CSMD1: variants seen among roughly 807,000 people sequenced by gnomAD.
The protein encoded by CSMD1 is CUB and Sushi multiple domains 1.
In CSMD1, 213 loss-of-function variants were observed where a neutral mutation model predicts 417.5. That is an observed-to-expected ratio of 0.51 (90% CI 0.46 to 0.57). The LOEUF (loss-of-function observed/expected upper bound fraction) is 0.57, where lower values mean the gene tolerates loss of function less well. Ranked by LOEUF, CSMD1 falls within the 20% of genes least tolerant of loss-of-function variation. The pLI, the probability that CSMD1 is intolerant of heterozygous loss-of-function variation, is 0.00. For missense variants in CSMD1, 6,923 were observed against 4,529.7 expected (o/e 1.53, Z -15.17); for synonymous variants, 2,862 against 1,736.8 (o/e 1.65, Z -16.11).
chr8:3,284,059 G>T (rs546060294), intron 26 of CSMD1, 85 bp downstream of exon 26: 4 of 1,110,688 alleles, frequency 3.6e-6, no homozygotes, highest in Non-Finnish European at 5.3e-6. Flanking sequence ...GTAAGGAGAC[G>T]CTGGTGAATA....
intron 1 of CSMD1, among the ~76,000 whole-genome samples, chr8:4,810,648 A>G (rs1355549317): frequency 6.6e-6 from 1 of 150,880 alleles, no homozygotes; most frequent in Non-Finnish European, 1.5e-5. Context: ...ATGATTTTGT[A>G]TTACATAGAA....
At chr8:3,526,112 G>C (rs1209488857) in intron 10 of CSMD1, among the ~76,000 whole-genome samples, 1 of 152,120 alleles carries the variant, frequency 6.6e-6, no homozygotes. Flanking sequence ...TTTAAAAACA[G>C]TCTACATTCT....
chr8:4,705,413 C>T (rs1807865332), intron 1 of CSMD1, among the ~76,000 whole-genome samples: 2 of 152,156 alleles, frequency 1.3e-5, no homozygotes, highest in African/African-American at 4.8e-5. Context: ...CATCCAAAGA[C>T]ACAAAACCCT....
rs369908809 is a variant in CSMD1, at chr8:3,151,377, T to G, written c.6031+20A>C. 8.1e-6 allele frequency: 12 copies of G among 1,481,002 alleles called. No individual in the cohort carries two copies. The highest frequency in any genetic ancestry group is 2.3e-5 in the East Asian group (1 of 44,116). 91.7% of individuals were successfully genotyped at this position (1,481,002 alleles called of 1,614,324 possible). On this transcript the variant is annotated intron_variant, in intron 40 of 69. Transcript: ENST00000635120. The stretch of plus-strand genomic sequence containing the variant: ...AATGAAAAAAATGAACTTTTAGGAA[T>G]TGGTAACATTTTCACTTACCATAGC...
At chr8:3,256,607 C>A (rs564792001) in intron 26 of CSMD1, among the ~76,000 whole-genome samples, 2 of 152,304 alleles carry the variant, frequency 1.3e-5, no homozygotes, top group Admixed American at 6.5e-5. Flanking sequence ...CTGGCTGTTT[C>A]TTACTTTTGA....
intron 37 of CSMD1, among the ~76,000 whole-genome samples, chr8:3,175,138 T>G (rs1006721391): frequency 6.6e-6 from 1 of 152,160 alleles, no homozygotes; most frequent in Non-Finnish European, 1.5e-5. Flanking sequence ...ATATTTATGT[T>G]TAGTTTATAA....
rs142636118 is a variant in CSMD1 at position 4,485,159 on chromosome 8, G to C, written c.303-65094C>G. ...GGCATAGGCTGTATGCATTTCCTTAGATGTCTACTGATTTGTATAAAGAGA... is the reference window on the plus strand; with the variant it reads ...GGCATAGGCTGTATGCATTTCCTTACATGTCTACTGATTTGTATAAAGAGA... On this transcript the variant is annotated intron_variant, in intron 2 of 69. Transcript: ENST00000635120. Among the ~76,000 whole-genome samples, 409 of 152,118 alleles carry C rather than the reference G, an allele frequency of 2.7e-3. 4 individuals carry two copies. Among genetic ancestry groups the C allele is most frequent in the African/African-American group, 9.4e-3 (389 of 41,512 alleles).
intron 12 of CSMD1, among the ~76,000 whole-genome samples, chr8:3,421,990 G>A (rs1813518816): frequency 6.6e-6 from 1 of 150,858 alleles, no homozygotes; most frequent in Non-Finnish European, 1.5e-5. Flanking sequence ...AGATGGCTTA[G>A]AGCGTGAGCC....
At chr8:4,007,149 T>C (rs1040216971) in intron 4 of CSMD1, among the ~76,000 whole-genome samples, 2 of 152,166 alleles carry the variant, frequency 1.3e-5, no homozygotes, top group Non-Finnish European at 2.9e-5. Flanking sequence ...CGACTTTTAC[T>C]ATTTCTCAGT....
intron 1 of CSMD1, among the ~76,000 whole-genome samples, chr8:4,936,120 T>A (rs2117213679): frequency 1.3e-5 from 2 of 152,310 alleles, no homozygotes; most frequent in East Asian, 3.9e-4. Flanking sequence ...ATAAAAATGG[T>A]TTCTGTCCTG....
At chr8:4,097,605 A>T (rs1801087575) in intron 3 of CSMD1, among the ~76,000 whole-genome samples, 1 of 152,236 alleles carries the variant, frequency 6.6e-6, no homozygotes, top group Non-Finnish European at 1.5e-5. Flanking sequence ...TGATTAGCTT[A>T]TGTTGGAGAT....
chr8:4,658,680 ACAAT>A (rs1804389924), intron 1 of CSMD1, among the ~76,000 whole-genome samples: 1 of 152,182 alleles, frequency 6.6e-6, no homozygotes, highest in Non-Finnish European at 1.5e-5. Context: ...ATTAAAAACT[ACAAT>A]CAAAGTCATT....
At chr8:3,098,537 CT>C (rs1291774223) in intron 46 of CSMD1, among the ~76,000 whole-genome samples, 1 of 152,088 alleles carries the variant, frequency 6.6e-6, no homozygotes, top group Non-Finnish European at 1.5e-5. Flanking sequence ...TTTAAAAATA[CT>C]TACAATGATA....
At chr8:3,613,066 A>G (rs1801968604) in intron 8 of CSMD1, among the ~76,000 whole-genome samples, 2 of 152,064 alleles carry the variant, frequency 1.3e-5, no homozygotes, top group Admixed American at 1.3e-4. Flanking sequence ...TTTTAAAAAT[A>G]TGAATATCAA....
intron 7 of CSMD1, among the ~76,000 whole-genome samples, chr8:3,631,757 C>G (rs1253827758): frequency 6.6e-6 from 1 of 152,170 alleles, no homozygotes; most frequent in Non-Finnish European, 1.5e-5. Context: ...AAATAAAGCG[C>G]TCTCAAAGGA....
At chr8:4,064,755 C>T (rs189531408) in intron 3 of CSMD1, among the ~76,000 whole-genome samples, 1 of 152,176 alleles carries the variant, frequency 6.6e-6, no homozygotes, top group African/African-American at 2.4e-5. Context: ...CTCAGTACTG[C>T]TGTGGAAACA....
chr8:4,120,271 A>T (rs984569755), intron 3 of CSMD1, among the ~76,000 whole-genome samples: 4 of 150,586 alleles, frequency 2.7e-5, no homozygotes, highest in Non-Finnish European at 6.0e-5. Context: ...TGGGGTAAAG[A>T]AGGGTTTTCA....
chr8:4,038,003 C>G (rs571400902), intron 3 of CSMD1, among the ~76,000 whole-genome samples: 3 of 152,072 alleles, frequency 2.0e-5, no homozygotes, highest in Non-Finnish European at 4.4e-5. Context: ...ATTTTAGTCA[C>G]TTTATTCCCA....
intron 5 of CSMD1, among the ~76,000 whole-genome samples, chr8:3,808,849 G>T (rs3947709): frequency 0.015 from 2,244 of 152,280 alleles, 45 homozygotes; most frequent in East Asian, 0.038. Flanking sequence ...AAAGGAAAGC[G>T]CAGCCCTTAG....
Sources: allele counts gnomAD v4.1 joint callset (sites outside exome capture counted in the v4.1 genomes callset), GRCh38; gene constraint gnomAD v4.1.1; transcripts MANE v1.5; gene names NCBI Gene and HGNC (gene_info 2026-07-23, HGNC 2026-07-21).